The following RTCB variants were observed in gnomAD, a reference collection of about 807,000 sequenced individuals.
RTCB encodes the protein RNA-splicing ligase RTCB.
In RTCB, 32 loss-of-function variants were observed where a neutral mutation model predicts 58.2. That is an observed-to-expected ratio of 0.55 (90% confidence interval 0.41 to 0.74). The LOEUF is 0.74. Ranked by LOEUF, RTCB falls within the 30% of genes least tolerant of loss-of-function variation. RTCB has a pLI of 0.00. For synonymous variants in RTCB, 247 were observed against 218.6 expected (o/e 1.13, Z -1.15); for missense variants, 523 against 639.0 (o/e 0.82, Z 1.96).
At chr22:32,389,292 C>T (rs1421373342) in intron 11 of RTCB, among the ~76,000 whole-genome samples, 2 of 152,166 alleles carry the variant, frequency 1.3e-5, no homozygotes, top group African/African-American at 2.4e-5. Flanking sequence ...ACTTGCTGAC[C>T]TTACTATGTA....
chr22:32,403,406 C>CAA (rs1162217463), intron 4 of RTCB, among the ~76,000 whole-genome samples: 1 of 138,172 alleles, frequency 7.2e-6, no homozygotes, highest in African/African-American at 2.7e-5. Flanking sequence ...GACTCCGTCT[C>CAA]AAAAAAAAAA....
At chr22:32,410,768 C>G (rs539022841) in intron 1 of RTCB, among the ~76,000 whole-genome samples, 3 of 148,346 alleles carry the variant, frequency 2.0e-5, no homozygotes, top group Non-Finnish European at 4.4e-5. Flanking sequence ...GGCTGGAGTG[C>G]AGTTTAGAAT....
intron 1 of RTCB, among the ~76,000 whole-genome samples, chr22:32,410,390 G>C (rs1179608331): frequency 1.3e-5 from 2 of 152,156 alleles, no homozygotes; most frequent in Non-Finnish European, 2.9e-5. Flanking sequence ...TCCAACATGT[G>C]GGTCTTGGGG....
intron 11 of RTCB, among the ~76,000 whole-genome samples, chr22:32,389,571 C>G (rs117422174): frequency 6.6e-6 from 1 of 152,016 alleles, no homozygotes; most frequent in Non-Finnish European, 1.5e-5. Flanking sequence ...CTCAGCCTCC[C>G]GAAAGTGCTG....
intron 11 of RTCB, among the ~76,000 whole-genome samples, chr22:32,388,584 T>C (rs929351853): frequency 1.3e-5 from 2 of 152,210 alleles, no homozygotes; most frequent in African/African-American, 4.8e-5. Context: ...AGTAAAACTG[T>C]GTGCACATGT....
At chr22:32,406,090 A>G (rs1205981031) in intron 4 of RTCB, among the ~76,000 whole-genome samples, 1 of 152,180 alleles carries the variant, frequency 6.6e-6, no homozygotes, top group Non-Finnish European at 1.5e-5. Flanking sequence ...ACAAAGATAA[A>G]AAAAAATTGC....
chr22:32,399,570 A>C, intron 6 of RTCB, 33 bp downstream of exon 6: 1 of 1,547,466 alleles, frequency 6.5e-7, no homozygotes. Context: ...TATGAAAAAA[A>C]AATTAACATG....
Position 32,409,095 on chromosome 22 carries a change from G to C in RTCB, c.94-262C>G, listed in dbSNP as rs144875393. 2.1e-3 allele frequency among the ~76,000 whole-genome samples: 319 copies of C among 152,038 alleles called. 2 individuals are homozygous for C. The highest frequency in any genetic ancestry group is 7.3e-3 in the African/African-American group (302 of 41,440). On this transcript the variant is annotated intron_variant, in intron 1 of 11. Transcript: ENST00000216038. ...CAAAACCACATTTAAGAATTCAACAGATTCAGCATCTTTTTGTGATAAAGA... is the reference window on the plus strand; with the variant it reads ...CAAAACCACATTTAAGAATTCAACACATTCAGCATCTTTTTGTGATAAAGA...
intron 7 of RTCB, among the ~76,000 whole-genome samples, chr22:32,397,569 T>C (rs1380010016): frequency 6.6e-6 from 1 of 152,188 alleles, no homozygotes; most frequent in Non-Finnish European, 1.5e-5. Context: ...AGGTATATGA[T>C]ACATAATCTG....
chr22:32,396,658 C>T (rs1286469186), intron 7 of RTCB, among the ~76,000 whole-genome samples: 1 of 152,200 alleles, frequency 6.6e-6, no homozygotes, highest in Non-Finnish European at 1.5e-5. Context: ...TGTTCTGAAA[C>T]ACTAGTTGAC....
In RTCB at chr22:32,388,070, A is replaced by G; in HGVS notation, c.1440T>C (p.Asp480=). 6.2e-7 allele frequency: 1 copy of G among 1,613,712 alleles called. No individual in the cohort carries two copies. The highest frequency in any genetic ancestry group is 8.5e-7 in the Non-Finnish European group (1 of 1,179,590). ...CAGCATCATGGCAGGTATTTACCAC[A>G]TCTGTCACATTCTTATAGGACTCAG... ...EAPESYKNVT[D]VVNTCHDAGI... The change falls in exon 12 of 12, where the codon GAT becomes GAC. Residue 480 remains aspartate (D), a synonymous_variant. Coordinates refer to ENST00000216038, the MANE Select transcript of RTCB (RefSeq NM_014306.5).
intron 5 of RTCB, chr22:32,400,080 G>T: frequency 5.2e-6 from 1 of 192,836 alleles, no homozygotes; most frequent in Non-Finnish European, 1.1e-5. Flanking sequence ...ATGAGGTAGT[G>T]ATTAAACAGA....
At chr22:32,392,461 T>G in intron 10 of RTCB, 102 bp from the exon 11 acceptor site, 1 of 1,467,818 alleles carries the variant, frequency 6.8e-7, no homozygotes, top group Non-Finnish European at 9.4e-7. Flanking sequence ...AACATCTTTT[T>G]TACTTTATCG....
At chr22:32,391,109 A>G (rs1399217538) in intron 11 of RTCB, among the ~76,000 whole-genome samples, 1 of 152,196 alleles carries the variant, frequency 6.6e-6, no homozygotes, top group African/African-American at 2.4e-5. Context: ...TCCACTTTTG[A>G]GACTTTGTTC....
rs145716629 is a variant in RTCB at position 32,396,840 on chromosome 22, G to A, written c.815-591C>T. Among the ~76,000 whole-genome samples the A allele has an allele frequency of 1.5e-3, 226 of 152,318 alleles. 1 individual carries two copies. Among genetic ancestry groups the A allele is most frequent in the African/African-American group, 5.1e-3 (212 of 41,582 alleles). Reference sequence around the variant, plus strand: ...ATTGATTCGCTGTTGGAGGCCGAAAGAATGAGGGTCGTGAACAACTCAGTA... The same window carrying A: ...ATTGATTCGCTGTTGGAGGCCGAAAAAATGAGGGTCGTGAACAACTCAGTA... On this transcript the variant is annotated intron_variant, in intron 7 of 11. Coordinates refer to ENST00000216038, the MANE Select transcript of RTCB (RefSeq NM_014306.5).
At position 32,401,814 on chromosome 22, in the gene RTCB, C is replaced by A; in HGVS notation, c.430G>T (p.Ala144Ser). The A allele has an allele frequency of 6.2e-7, 1 of 1,614,052 alleles. No individual in the cohort carries two copies. Among genetic ancestry groups the A allele is most frequent in the Non-Finnish European group, 8.5e-7 (1 of 1,179,916 alleles). The change falls in exon 5 of 12, where the codon GCC becomes TCC. Residue 144 changes from alanine to serine, a missense_variant. By Grantham distance (99) the Ala-to-Ser change is moderately conservative (BLOSUM62 1). Coordinates refer to ENST00000216038, the MANE Select transcript of RTCB (RefSeq NM_014306.5). ...SDVQPVKEQL[A>S]QAMFDHIPVG... Reference sequence around the variant, plus strand: ...GGAATGTGGTCAAACATAGCTTGGGCAAGTTGCTCCTTCACAGGCTGGACA... The same window carrying A: ...GGAATGTGGTCAAACATAGCTTGGGAAAGTTGCTCCTTCACAGGCTGGACA...
intron 9 of RTCB, 60 bp from the exon 10 acceptor site, chr22:32,394,062 T>A (rs193234909): frequency 8.4e-7 from 1 of 1,195,164 alleles, no homozygotes; most frequent in East Asian, 2.3e-5. Flanking sequence ...TTTTTATGCA[T>A]AAAATTTAAA....
At chr22:32,399,193 C>A (rs559024413) in intron 6 of RTCB, among the ~76,000 whole-genome samples, 51 of 152,240 alleles carry the variant, frequency 3.3e-4, no homozygotes, top group Middle Eastern at 3.4e-3. Flanking sequence ...CTGGAGTGCA[C>A]TGGCGTGATC....
Position 32,412,159 on chromosome 22 carries a change from T to C in RTCB, c.-3A>G. Reference sequence around the variant, plus strand: ...TCATCATTATAGCTGCGACTCATGGTGGCGAAAACTGTAGCAAAAACTCCC... The same window carrying C: ...TCATCATTATAGCTGCGACTCATGGCGGCGAAAACTGTAGCAAAAACTCCC... On this transcript the variant is annotated 5_prime_UTR_variant, in exon 1 of 12. Coordinates refer to ENST00000216038, the MANE Select transcript of RTCB (RefSeq NM_014306.5). 1 of 1,588,170 alleles carries C rather than the reference T, an allele frequency of 6.3e-7. No homozygotes were observed.
Sources: allele counts gnomAD v4.1 joint callset (sites outside exome capture counted in the v4.1 genomes callset), GRCh38; gene constraint gnomAD v4.1.1; transcripts MANE v1.5; gene names NCBI Gene and HGNC (gene_info 2026-07-23, HGNC 2026-07-21).